The following GINS1 variants were observed in gnomAD, a reference collection of about 807,000 sequenced individuals.
The protein encoded by GINS1 is DNA replication complex GINS protein PSF1.
A neutral mutation model predicts 34.9 loss-of-function variants in GINS1; 26 were observed. The ratio of observed to expected loss-of-function variants is 0.74; its 90% CI spans 0.55 to 1.03. GINS1 has a LOEUF of 1.03. GINS1 is among the 50% of genes least tolerant of loss of function. The pLI, the probability that GINS1 is intolerant of heterozygous loss-of-function variation, is 0.00. For synonymous variants in GINS1, 97 were observed against 84.4 expected (o/e 1.15, Z -0.82); for missense variants, 235 against 237.9 (o/e 0.99, Z 0.08).
chr20:25,442,303 G>A (rs1393846929), intron 6 of GINS1, among the ~76,000 whole-genome samples: 1 of 151,990 alleles, frequency 6.6e-6, no homozygotes, highest in East Asian at 1.9e-4. Flanking sequence ...AGCTAAATTT[G>A]TCCTTATAAG....
rs1167848132 is a variant in GINS1, at chr20:25,407,876, G to A, written c.56G>A (p.Gly19Glu). 1.2e-6 allele frequency: 2 copies of A among 1,613,716 alleles called. No individual in the cohort carries two copies. Among genetic ancestry groups the A allele is most frequent in the Admixed American group, 1.7e-5 (1 of 60,028 alleles). Residue 19 changes from glycine (G) to glutamate (E), a missense_variant, in exon 1 of 7, where the codon GGG becomes GAG. Coordinates refer to ENST00000262460, the MANE Select transcript of GINS1 (RefSeq NM_021067.5). The part of the protein sequence containing the change: ...LIRELHRAPE[G>E]QLPAFNEDGL... ...CGCGAGCTGCATCGCGCGCCCGAAG[G>A]GCAACTGCCTGCCTTCAACGTGAGG...
intron 1 of GINS1, among the ~76,000 whole-genome samples, chr20:25,409,535 A>G (rs752755942): frequency 1.3e-5 from 2 of 152,210 alleles, no homozygotes; most frequent in Non-Finnish European, 2.9e-5. Flanking sequence ...CTGGGTAAAC[A>G]ACATCAGAGT....
intron 5 of GINS1, among the ~76,000 whole-genome samples, chr20:25,436,238 C>T (rs986833897): frequency 2.0e-5 from 3 of 152,108 alleles, no homozygotes; most frequent in Admixed American, 1.3e-4. Flanking sequence ...TAGGTGTGAG[C>T]CACCCTGCCC....
chr20:25,427,869 ATTT>A (rs11411051), intron 5 of GINS1, among the ~76,000 whole-genome samples: 2 of 94,280 alleles, frequency 2.1e-5, no homozygotes, highest in Non-Finnish European at 4.0e-5. Context: ...CCAGTTCGTC[ATTT>A]TTTTTTTTTT....
In GINS1 at chr20:25,413,869, A is replaced by G. The variant is rs369708760; in HGVS notation, c.140+15A>G. The G allele has an allele frequency of 1.8e-5, 26 of 1,411,006 alleles. No homozygotes were observed. In the Admixed American group the frequency reaches 2.0e-4, roughly 11 times the overall value. The allele number at this position is 1,411,006 out of a possible 1,614,324, so 87.4% of individuals were successfully genotyped here. A position where few individuals can be genotyped will look rare whatever the true frequency, so the allele number is the denominator to read the frequency against. On this transcript the variant is annotated intron_variant, in intron 2 of 6. Transcript: ENST00000262460. ...CAGTCTGATGTGTAAGTTTCATAAG[A>G]TGATATTCTAAAACAATTCAATAAT...
chr20:25,431,943 C>T (rs2090429275), intron 5 of GINS1, among the ~76,000 whole-genome samples: 1 of 151,976 alleles, frequency 6.6e-6, no homozygotes, highest in Non-Finnish European at 1.5e-5. Context: ...TCTCGGCTTA[C>T]TGCAACCTCC....
intron 4 of GINS1, chr20:25,420,773 C>T (rs201778197): frequency 1.6e-6 from 1 of 608,934 alleles, no homozygotes; most frequent in South Asian, 8.1e-5. Flanking sequence ...GAGAGTGAGA[C>T]CCTGTCTCAA....
At chr20:25,428,390 A>G (rs1216836149) in intron 5 of GINS1, among the ~76,000 whole-genome samples, 1 of 141,796 alleles carries the variant, frequency 7.1e-6, no homozygotes, top group Non-Finnish European at 1.5e-5. Flanking sequence ...CTTTCCAAGC[A>G]TAATTTCTTT....
chr20:25,429,766 A>G (rs1377644247), intron 5 of GINS1, among the ~76,000 whole-genome samples: 1 of 152,220 alleles, frequency 6.6e-6, no homozygotes, highest in Non-Finnish European at 1.5e-5. Flanking sequence ...CTGCAAACAG[A>G]TAATTTTAGT....
In GINS1 at chr20:25,446,049, C is replaced by A; in HGVS notation, c.*58C>A. The A allele has an allele frequency of 1.2e-6, 1 of 841,556 alleles. No individual in the cohort carries two copies. The highest frequency in any genetic ancestry group is 1.9e-6 in the Non-Finnish European group (1 of 524,694). The allele number at this position is 841,556 out of a possible 1,614,324, so 52.1% of individuals were successfully genotyped here. On this transcript the variant is annotated 3_prime_UTR_variant, in exon 7 of 7. Coordinates refer to ENST00000262460, the MANE Select transcript of GINS1 (RefSeq NM_021067.5). ...ACTCATGGACTCCTCTGTACTCACT[C>A]TCTCCACCACTCCCTTCACCTCCCT...
At chr20:25,423,452 C>CTTTTTTTTTTTTTT (rs1159340467) in intron 4 of GINS1, among the ~76,000 whole-genome samples, 10 of 29,994 alleles carry the variant, frequency 3.3e-4, no homozygotes, top group East Asian at 2.3e-3. Context: ...TTTTTCTTTT[C>CTTTTTTTTTTTTTT]TTTTTTTTTT....
At chr20:25,427,421 C>T (rs528876400) in intron 5 of GINS1, among the ~76,000 whole-genome samples, 1 of 152,270 alleles carries the variant, frequency 6.6e-6, no homozygotes, top group East Asian at 1.9e-4. Flanking sequence ...TGGTCTTGAA[C>T]TCCTGACCTC....
intron 5 of GINS1, among the ~76,000 whole-genome samples, chr20:25,431,332 G>A (rs2090425694): frequency 6.6e-6 from 1 of 151,988 alleles, no homozygotes; most frequent in Admixed American, 6.6e-5. Context: ...TGTAAATTTT[G>A]TTGACCTTTT....
At chr20:25,407,957 G>C in intron 1 of GINS1, 62 bp downstream of exon 1, 1 of 1,255,632 alleles carries the variant, frequency 8.0e-7, no homozygotes, top group Non-Finnish European at 1.2e-6. Context: ...CTGGGGCGGG[G>C]CGGCTCCCCG....
chr20:25,422,707 G>A (rs1032783729), intron 4 of GINS1, among the ~76,000 whole-genome samples: 1 of 152,168 alleles, frequency 6.6e-6, no homozygotes, highest in African/African-American at 2.4e-5. Flanking sequence ...TTTAATGATT[G>A]ATGACTTTCA....
chr20:25,426,488 G>A (rs2090391617), intron 5 of GINS1, among the ~76,000 whole-genome samples: 1 of 152,028 alleles, frequency 6.6e-6, no homozygotes, highest in Non-Finnish European at 1.5e-5. Context: ...CGGGGAGAAG[G>A]AGGTTGCGGT....
At chr20:25,419,744 C>G in intron 4 of GINS1, 1 of 246,200 alleles carries the variant, frequency 4.1e-6, no homozygotes, top group Non-Finnish European at 8.2e-6. Context: ...CTCACTGCAA[C>G]TTCCGCCTCC....
chr20:25,428,851 A>C (rs1220582150), intron 5 of GINS1, among the ~76,000 whole-genome samples: 1 of 152,010 alleles, frequency 6.6e-6, no homozygotes, highest in Non-Finnish European at 1.5e-5. Context: ...TCGTAAAAAA[A>C]GTTTTTTTAA....
Position 25,447,407 on chromosome 20 carries a change from T to A in GINS1, c.*1416T>A, listed in dbSNP as rs182758301. On this transcript the variant is annotated 3_prime_UTR_variant, in exon 7 of 7. Coordinates refer to ENST00000262460, the MANE Select transcript of GINS1 (RefSeq NM_021067.5). ...CCACCTTCACTTTTTCTTGGGAATA[T>A]AGATATCCAGCTGTTTCACTACCAT... 1 of 152,188 alleles carries A rather than the reference T, an allele frequency of 6.6e-6. No homozygotes were observed. The highest frequency in any genetic ancestry group is 1.5e-5 in the Non-Finnish European group (1 of 68,030). 9.4% of individuals were successfully genotyped at this position (152,188 alleles called of 1,614,324 possible).
Sources: allele counts gnomAD v4.1 joint callset (sites outside exome capture counted in the v4.1 genomes callset), GRCh38; gene constraint gnomAD v4.1.1; transcripts MANE v1.5; gene names NCBI Gene and HGNC (gene_info 2026-07-23, HGNC 2026-07-21).